The following SP3 variants were observed in gnomAD, a reference collection of about 807,000 sequenced individuals.
The protein encoded by SP3 is transcription factor Sp3.
SP3 carries 10 observed loss-of-function variants against 70.3 expected under a neutral mutation model. The ratio of observed to expected loss-of-function variants is 0.14; its 90% CI spans 0.09 to 0.24. The LOEUF is 0.24. SP3 is among the 10% of genes least tolerant of loss of function. The pLI, the probability that SP3 is intolerant of heterozygous loss-of-function variation, is 1.00. For missense variants in SP3, 825 were observed against 914.6 expected (o/e 0.90, Z 1.26); for synonymous variants, 402 against 333.5 (o/e 1.21, Z -2.24).
chr2:173,912,291 G>A (rs184737386), intron 6 of SP3, among the ~76,000 whole-genome samples: 5 of 152,316 alleles, frequency 3.3e-5, no homozygotes, highest in South Asian at 4.1e-4. Context: ...GTGAAGCAAC[G>A]TCAGAGATAG....
chr2:173,957,680 G>A (rs1189086779), intron 3 of SP3, among the ~76,000 whole-genome samples: 2 of 152,046 alleles, frequency 1.3e-5, no homozygotes, highest in African/African-American at 2.4e-5. Flanking sequence ...GTGAGTGAAA[G>A]CTATAAAAGG....
chr2:173,962,011 A>AT lies in SP3; in HGVS notation c.279+1749dup, dbSNP rs1691104949. ...TGATTGGCAAATTATGATGTATTTG[A>AT]TTGATAAATCTCAGATTTATCAGAT... On this transcript the variant is annotated intron_variant, in intron 3 of 6. Coordinates refer to ENST00000310015, the MANE Select transcript of SP3 (RefSeq NM_003111.5). Among the ~76,000 whole-genome samples, 4 of 137,074 alleles carry AT rather than the reference A, an allele frequency of 2.9e-5. No homozygotes were observed. The South Asian group carries it at 7.0e-4, about 24-fold the overall frequency. The allele number at this position is 137,074 out of a possible 152,430, so 89.9% of individuals were successfully genotyped here. A position where few individuals can be genotyped will look rare whatever the true frequency, so the allele number is the denominator to read the frequency against.
chr2:173,946,884 G>GC (rs774490880), intron 4 of SP3, among the ~76,000 whole-genome samples: 1 of 131,346 alleles, frequency 7.6e-6, no homozygotes, highest in Non-Finnish European at 1.7e-5. Flanking sequence ...ACCACGCCTG[G>GC]CTTTTTTTTT....
intron 4 of SP3, among the ~76,000 whole-genome samples, chr2:173,940,065 C>T: frequency 6.6e-6 from 1 of 151,986 alleles, no homozygotes. Flanking sequence ...TTGGTAGAGG[C>T]AAGGTCTTGC....
Position 173,964,547 on chromosome 2 carries a change from T to G in SP3, c.14A>C (p.Glu5Ala), listed in dbSNP as rs2105510794. MTAPEKPVKQEEMAA... is the reference protein window; with the variant it reads MTAPAKPVKQEEMAA... ...CATTTCCTCTTGTTTCACGGGCTTT[T>G]CGGGAGCTGCAGGCACAGCGCGGGG... Residue 5 changes from glutamate to alanine, a missense_variant, in exon 2 of 7, where the codon GAA (glutamate) becomes GCA (alanine). By Grantham distance (107) the Glu-to-Ala change is moderately radical. This residue lies in a region of SP3 where 678 missense variants were observed against 651.6 expected (regional missense o/e 1.04). Coordinates refer to ENST00000310015, the MANE Select transcript of SP3 (RefSeq NM_003111.5). 1 of 464,550 alleles carries G rather than the reference T, an allele frequency of 2.2e-6. No homozygotes were observed. The highest frequency in any genetic ancestry group is 1.6e-5 in the South Asian group (1 of 62,604). The allele number at this position is 464,550 out of a possible 1,614,324, so 28.8% of individuals were successfully genotyped here. A position where few individuals can be genotyped will look rare whatever the true frequency, so the allele number is the denominator to read the frequency against.
intron 4 of SP3, among the ~76,000 whole-genome samples, chr2:173,952,718 T>C (rs1559107082): frequency 6.6e-6 from 1 of 152,174 alleles, no homozygotes. Flanking sequence ...TATTCAGCCA[T>C]ATATAAAGAA....
chr2:173,910,840 G>A (rs1689461632), intron 6 of SP3, among the ~76,000 whole-genome samples: 1 of 152,152 alleles, frequency 6.6e-6, no homozygotes, highest in South Asian at 2.1e-4. Context: ...ATGTTAAGAT[G>A]TTAAAGCTGT....
At chr2:173,943,660 T>C (rs559493511) in intron 4 of SP3, among the ~76,000 whole-genome samples, 2 of 152,310 alleles carry the variant, frequency 1.3e-5, no homozygotes, top group South Asian at 4.1e-4. Flanking sequence ...ACACTAATTA[T>C]TTAAAAGTAT....
rs111454370 is a variant in SP3 at position 173,927,228 on chromosome 2, T to C, written c.1640-8443A>G. ...CTTCCTCCCACATTGGGGATTACAA[T>C]TGAACATGAGATTTGGGTGGGACTT... On this transcript the variant is annotated intron_variant, in intron 4 of 6. Coordinates refer to ENST00000310015, the MANE Select transcript of SP3 (RefSeq NM_003111.5). 9.5e-3 allele frequency among the ~76,000 whole-genome samples: 1,451 copies of C among 152,032 alleles called. 27 individuals carry two copies. The highest frequency in any genetic ancestry group is 0.033 in the African/African-American group (1,367 of 41,460).
chr2:173,964,849 A>T lies in SP3; in HGVS notation c.8-296T>A, dbSNP rs571639132. ...CTTTCCCTTCGCGCCGCTCGCTCTCACTCGCGCTCGCTCCTCTCGCACCGT... is the reference window on the plus strand; with the variant it reads ...CTTTCCCTTCGCGCCGCTCGCTCTCTCTCGCGCTCGCTCCTCTCGCACCGT... On this transcript the variant is annotated intron_variant, in intron 1 of 6. Coordinates refer to ENST00000310015, the MANE Select transcript of SP3 (RefSeq NM_003111.5). The T allele has an allele frequency of 2.3e-3, 1,087 of 470,258 alleles. 3 individuals carry two copies. The highest frequency in any genetic ancestry group is 2.7e-3 in the Non-Finnish European group (739 of 270,876). The allele number at this position is 470,258 out of a possible 1,614,324, so 29.1% of individuals were successfully genotyped here.
At chr2:173,939,344 A>T (rs1452654786) in intron 4 of SP3, among the ~76,000 whole-genome samples, 1 of 152,204 alleles carries the variant, frequency 6.6e-6, no homozygotes, top group African/African-American at 2.4e-5. Context: ...TAAAATGCAC[A>T]TATTCTCCAA....
intron 4 of SP3, among the ~76,000 whole-genome samples, chr2:173,949,009 G>A (rs1024383597): frequency 1.3e-5 from 2 of 152,088 alleles, no homozygotes; most frequent in African/African-American, 4.8e-5. Context: ...GAAAGCAACA[G>A]TGTAAAAGTC....
chr2:173,932,061 A>G (rs1261292026), intron 4 of SP3, among the ~76,000 whole-genome samples: 1 of 152,234 alleles, frequency 6.6e-6, no homozygotes, highest in Non-Finnish European at 1.5e-5. Flanking sequence ...CTTCTGGTCT[A>G]TCTGGGCTTT....
At chr2:173,916,811 A>G (rs1339452777) in intron 5 of SP3, 7 of 152,118 alleles carry the variant, frequency 4.6e-5, no homozygotes, top group African/African-American at 1.7e-4. Context: ...GTGCAAAGAC[A>G]TACGTGTAAG....
rs114151586 is a variant in SP3, at chr2:173,960,354, G to A, written c.279+3407C>T. On this transcript the variant is annotated intron_variant, in intron 3 of 6. Transcript: ENST00000310015. ...ACTTAGTTCCCACGAATGCCTTTAC[G>A]AAAGCCAGAAATAGGAAAGGAAGGA... 4.8e-3 allele frequency among the ~76,000 whole-genome samples: 736 copies of A among 152,210 alleles called. 3 individuals carry two copies. Among genetic ancestry groups the A allele is most frequent in the African/African-American group, 0.017 (701 of 41,536 alleles).
At position 173,910,042 on chromosome 2, in the gene SP3, C is replaced by T. The variant is rs536762496; in HGVS notation, c.2245G>A (p.Gly749Arg). The stretch of plus-strand genomic sequence containing the variant: ...CTGGTGGCGGAAGTATTAACAGTTC[C>T]TATCCCTGAAACAGAACCTTGTTGA... ...NIQQGSVSGI[G>R]TVNTSATSNQ... Residue 749 changes from glycine to arginine, a missense_variant, in exon 7 of 7, where the codon GGA (glycine) becomes AGA (arginine). Physicochemically the swap from Gly to Arg is moderately radical, Grantham distance 125. This residue lies in a region of SP3 where 91 missense variants were observed against 97.4 expected (regional missense o/e 0.93). Coordinates refer to ENST00000310015, the MANE Select transcript of SP3 (RefSeq NM_003111.5). 6.8e-6 allele frequency: 11 copies of T among 1,613,512 alleles called. No individual in the cohort carries two copies. Among genetic ancestry groups the T allele is most frequent in the Non-Finnish European group, 9.3e-6 (11 of 1,179,708 alleles).
intron 5 of SP3, chr2:173,915,178 C>T (rs1689590729): frequency 6.6e-6 from 1 of 152,034 alleles, no homozygotes; most frequent in Non-Finnish European, 1.5e-5. Flanking sequence ...GTATTTTTAA[C>T]TGAATTATTA....
intron 5 of SP3, chr2:173,916,158 A>T (rs1574398411): frequency 6.6e-6 from 1 of 152,094 alleles, no homozygotes; most frequent in African/African-American, 2.4e-5. Flanking sequence ...AACAAGCTCT[A>T]AGAAACAATA....
chr2:173,963,996 C>T, intron 2 of SP3, 113 bp from the exon 3 acceptor site: 16 of 617,752 alleles, frequency 2.6e-5, no homozygotes, highest in Non-Finnish European at 4.0e-5. Flanking sequence ...TGCGCCCGGG[C>T]AAGCGCCAGC....
Sources: allele counts gnomAD v4.1 joint callset (sites outside exome capture counted in the v4.1 genomes callset), GRCh38; gene constraint gnomAD v4.1.1; regional missense constraint gnomAD v4.1.1; transcripts MANE v1.5; gene names NCBI Gene and HGNC (gene_info 2026-07-23, HGNC 2026-07-21).